C3orf20: variants seen among roughly 807,000 people sequenced by gnomAD.
The protein encoded by C3orf20 is uncharacterized protein C3orf20.
C3orf20 carries 76 observed loss-of-function variants against 88.3 expected under a neutral mutation model. That is an observed-to-expected ratio of 0.86 (90% CI 0.72 to 1.04). The LOEUF (loss-of-function observed/expected upper bound fraction) is 1.04. Among genes scored for constraint, C3orf20 ranks in the 50% least tolerant of loss-of-function variants. C3orf20 has a pLI of 0.00. For missense variants in C3orf20, 1,056 were observed against 1,123.3 expected (o/e 0.94, Z 0.86); for synonymous variants, 436 against 437.4 (o/e 1.00, Z 0.04).
chr3:14,682,678 C>G lies in C3orf20; in HGVS notation c.-36C>G, dbSNP rs1177447393. On this transcript the variant is annotated 5_prime_UTR_variant, in exon 3 of 17. Transcript: ENST00000253697. ...GAAGAACTTTTGCTCTCAGTCACCT[C>G]TCAGAGAGCTCTCTTTATAGCTGAA... 5 of 1,568,318 alleles carry G rather than the reference C, an allele frequency of 3.2e-6. No homozygotes were observed. The highest frequency in any genetic ancestry group is 2.6e-6 in the Non-Finnish European group (3 of 1,158,258).
At chr3:14,679,511 G>A (rs751981821) in intron 1 of C3orf20, among the ~76,000 whole-genome samples, 2 of 152,180 alleles carry the variant, frequency 1.3e-5, no homozygotes, top group African/African-American at 4.8e-5. Context: ...TCAGGAGCCC[G>A]GGCTCTGCTG....
intron 5 of C3orf20, among the ~76,000 whole-genome samples, chr3:14,700,464 T>C (rs1444639973): frequency 6.6e-6 from 1 of 152,222 alleles, no homozygotes; most frequent in African/African-American, 2.4e-5. Flanking sequence ...AAACTTAGCA[T>C]ATACAGGTTT....
chr3:14,686,541 G>A (rs1336710076), intron 4 of C3orf20, among the ~76,000 whole-genome samples: 1 of 152,134 alleles, frequency 6.6e-6, no homozygotes, highest in African/African-American at 2.4e-5. Flanking sequence ...CAGGTGTAAC[G>A]TGGTATCTCA....
At chr3:14,726,792 C>T in intron 10 of C3orf20, 109 bp from the exon 11 acceptor site, 1 of 1,467,104 alleles carries the variant, frequency 6.8e-7, no homozygotes, top group South Asian at 1.3e-5. Context: ...GGTAGGGGGG[C>T]AGGCAATAGC....
chr3:14,723,539 A>G (rs372017160), intron 10 of C3orf20, among the ~76,000 whole-genome samples: 10 of 152,254 alleles, frequency 6.6e-5, no homozygotes, highest in Middle Eastern at 3.2e-3. Flanking sequence ...ATGGGCACCA[A>G]TGATCATCTA....
At chr3:14,736,155 A>G (rs1307280793) in intron 12 of C3orf20, among the ~76,000 whole-genome samples, 1 of 152,204 alleles carries the variant, frequency 6.6e-6, no homozygotes, top group Non-Finnish European at 1.5e-5. Flanking sequence ...ATTAACTAGT[A>G]TTAGACATTT....
rs2035765067 is a variant in C3orf20 at position 14,768,054 on chromosome 3, A to T, written c.2496-4013A>T. Among the ~76,000 whole-genome samples, 1 of 152,256 alleles carries T rather than the reference A, an allele frequency of 6.6e-6. No individual in the cohort carries two copies. Among genetic ancestry groups the T allele is most frequent in the South Asian group, 2.1e-4 (1 of 4,834 alleles). The stretch of plus-strand genomic sequence containing the variant: ...CTCAAGAGGCTTTGTATCCTGTAAC[A>T]TGCTATCCAGATGGGAGGGGAAGCT... On this transcript the variant is annotated intron_variant, in intron 15 of 16. Coordinates refer to ENST00000253697, the MANE Select transcript of C3orf20 (RefSeq NM_032137.5). This position sits in a 1 kb window ranked among gnomAD's most constrained non-coding sequence, Gnocchi z 4.1.
At chr3:14,763,372 T>C (rs73026120) in intron 15 of C3orf20, among the ~76,000 whole-genome samples, 1,904 of 152,184 alleles carry the variant, frequency 0.013, 26 homozygotes, top group Non-Finnish European at 0.017. Flanking sequence ...GGCGCCTTCT[T>C]GCTGTGTCTT....
intron 7 of C3orf20, among the ~76,000 whole-genome samples, chr3:14,706,282 A>G (rs1465910872): frequency 6.6e-6 from 1 of 152,030 alleles, no homozygotes; most frequent in Non-Finnish European, 1.5e-5. Flanking sequence ...TCCCTCCAGT[A>G]TTTAACACAG....
intron 15 of C3orf20, 84 bp from the exon 16 acceptor site, chr3:14,771,983 G>A: frequency 2.6e-6 from 4 of 1,555,488 alleles, no homozygotes; most frequent in Non-Finnish European, 3.5e-6. Flanking sequence ...GTCCTTGTCT[G>A]TCCAGGCTCC....
intron 7 of C3orf20, among the ~76,000 whole-genome samples, chr3:14,708,202 A>T (rs149863571): frequency 5.3e-5 from 8 of 152,280 alleles, no homozygotes; most frequent in African/African-American, 1.4e-4. Flanking sequence ...TGTATGTGGT[A>T]TAAGATAAGG....
chr3:14,746,288 C>G (rs2035054606), intron 12 of C3orf20, among the ~76,000 whole-genome samples: 1 of 152,160 alleles, frequency 6.6e-6, no homozygotes, highest in Admixed American at 6.5e-5. Flanking sequence ...TTTTGGGGAA[C>G]TGGCAAACTC....
intron 1 of C3orf20, among the ~76,000 whole-genome samples, chr3:14,681,635 A>G (rs2032097476): frequency 6.6e-6 from 1 of 152,188 alleles, no homozygotes; most frequent in South Asian, 2.1e-4. Context: ...CACTCTCATA[A>G]AGTCCCTTGG....
At chr3:14,721,169 C>T (rs1428691905) in intron 9 of C3orf20, among the ~76,000 whole-genome samples, 1 of 152,184 alleles carries the variant, frequency 6.6e-6, no homozygotes, top group Non-Finnish European at 1.5e-5. Context: ...CTTCTGGGTC[C>T]TCTTTGACCT....
chr3:14,764,996 G>A (rs1359460866), intron 15 of C3orf20: 2 of 152,232 alleles, frequency 1.3e-5, no homozygotes, highest in Non-Finnish European at 2.9e-5. Flanking sequence ...CCAGCAGGGT[G>A]ACTGGTTAGT....
chr3:14,755,043 T>A (rs1480376999), intron 12 of C3orf20, among the ~76,000 whole-genome samples: 1 of 152,186 alleles, frequency 6.6e-6, no homozygotes, highest in African/African-American at 2.4e-5. Context: ...TTTATAATTT[T>A]TAAAACCTAT....
intron 4 of C3orf20, 136 bp downstream of exon 4, chr3:14,684,518 C>G (rs970901364): frequency 2.5e-6 from 3 of 1,193,054 alleles, no homozygotes; most frequent in African/African-American, 3.1e-5. Context: ...CAGGGATTTT[C>G]AAATGCTACA....
chr3:14,735,861 C>G (rs2034692617), intron 12 of C3orf20, among the ~76,000 whole-genome samples: 1 of 152,130 alleles, frequency 6.6e-6, no homozygotes, highest in Admixed American at 6.5e-5. Flanking sequence ...TCCCAAAGTG[C>G]TGGGATTACA....
In C3orf20 at chr3:14,709,363, G is replaced by A. The variant is rs2033650153; in HGVS notation, c.1161-4644G>A. The stretch of plus-strand genomic sequence containing the variant: ...TTTTGAGGCTTTTTATTATTTTGTT[G>A]TTGTTGCTATTTGCTGTGGCCAGAA... On this transcript the variant is annotated intron_variant, in intron 7 of 16. Coordinates refer to ENST00000253697, the MANE Select transcript of C3orf20 (RefSeq NM_032137.5). Among the ~76,000 whole-genome samples, 3 of 152,166 alleles carry A rather than the reference G, an allele frequency of 2.0e-5. No individual in the cohort carries two copies. In the South Asian group the frequency reaches 6.2e-4, roughly 32 times the overall value.
Sources: allele counts gnomAD v4.1 joint callset (sites outside exome capture counted in the v4.1 genomes callset), GRCh38; gene constraint gnomAD v4.1.1; non-coding constraint Gnocchi (gnomAD v3.1); transcripts MANE v1.5; gene names NCBI Gene and HGNC (gene_info 2026-07-23, HGNC 2026-07-21).